The following EPHA7 variants were observed in gnomAD, a reference collection of about 807,000 sequenced individuals.
The protein encoded by EPHA7 is EPH receptor A7.
A neutral mutation model predicts 112.6 loss-of-function variants in EPHA7; 25 were observed. The ratio of observed to expected loss-of-function variants is 0.22; its 90% confidence interval spans 0.16 to 0.31. EPHA7 has a LOEUF of 0.31. Among genes scored for constraint, EPHA7 ranks in the 10% least tolerant of loss-of-function variants. The pLI is 1.00. For synonymous variants in EPHA7, 437 were observed against 406.5 expected, an observed-to-expected ratio of 1.07 and a Z score of -0.90; for missense variants, 962 against 1,212.6, an observed-to-expected ratio of 0.79 and a Z score of 3.07.
intron 5 of EPHA7, among the ~76,000 whole-genome samples, chr6:93,302,053 C>T (rs961294634): frequency 2.0e-5 from 3 of 152,122 alleles, no homozygotes; most frequent in Non-Finnish European, 2.9e-5. Context: ...GTTGTTCTTC[C>T]ACCCTTACCG....
Position 93,257,525 on chromosome 6 carries a change from T to A in EPHA7, c.2111-2A>T. ...CTATTACTATCATGACTGGTTTCCC[T>A]AAAATTAAAAAAAAAAAGTTTCAGG... is the stretch of plus-strand genomic sequence containing the variant. On this transcript the variant is annotated splice_acceptor_variant, in intron 11 of 16. Coordinates refer to ENST00000369303, the MANE Select transcript of EPHA7 (RefSeq NM_004440.4). LOFTEE classifies it high-confidence loss of function. 6.2e-7 allele frequency: 1 copy of A among 1,603,442 alleles called. No homozygotes were observed.
At chr6:93,251,861 G>A (rs1770232161) in intron 14 of EPHA7, among the ~76,000 whole-genome samples, 1 of 151,882 alleles carries the variant, frequency 6.6e-6, no homozygotes. Flanking sequence ...AACGAAAGTT[G>A]GAAATTTATT....
chr6:93,247,103 A>T, intron 14 of EPHA7, 118 bp from the exon 15 acceptor site: 1 of 935,870 alleles, frequency 1.1e-6, no homozygotes, highest in Non-Finnish European at 1.5e-6. Context: ...GCTTCACAAA[A>T]GACTTACTTT....
chr6:93,353,061 C>T (rs547908012), intron 5 of EPHA7, among the ~76,000 whole-genome samples: 1 of 152,018 alleles, frequency 6.6e-6, no homozygotes, highest in African/African-American at 2.4e-5. Flanking sequence ...ATGTAACAAA[C>T]CTGCACATGT....
At chr6:93,345,907 C>T (rs1017969983) in intron 5 of EPHA7, among the ~76,000 whole-genome samples, 1 of 151,586 alleles carries the variant, frequency 6.6e-6, no homozygotes, top group Admixed American at 6.6e-5. Flanking sequence ...ATCAAATTTG[C>T]TTCAATTCAT....
Position 93,419,409 on chromosome 6 carries a change from T to G in EPHA7, c.-68A>C, listed in dbSNP as rs1051676542. The G allele has an allele frequency of 6.8e-6, 9 of 1,323,410 alleles. No homozygotes were observed. Among genetic ancestry groups the G allele is most frequent in the Middle Eastern group, 1.8e-4 (1 of 5,464 alleles). 82.0% of individuals were successfully genotyped at this position (1,323,410 alleles called of 1,614,324 possible). A position where few individuals can be genotyped will look rare whatever the true frequency, so the allele number is the denominator to read the frequency against. On this transcript the variant is annotated 5_prime_UTR_variant, in exon 1 of 17. Coordinates refer to ENST00000369303, the MANE Select transcript of EPHA7 (RefSeq NM_004440.4). ...TCGTGGATTTTTAAATGCTGTTTGTTCCGAAGTAGCTTTTGTTTTATTGTG... is the reference window on the plus strand; with the variant it reads ...TCGTGGATTTTTAAATGCTGTTTGTGCCGAAGTAGCTTTTGTTTTATTGTG...
At chr6:93,258,602 A>G (rs965127092) in intron 10 of EPHA7, among the ~76,000 whole-genome samples, 4 of 150,306 alleles carry the variant, frequency 2.7e-5, no homozygotes, top group Non-Finnish European at 4.4e-5. Context: ...CTATTTTTCA[A>G]TTGAATTAAC....
chr6:93,347,866 G>A (rs926378326), intron 5 of EPHA7, among the ~76,000 whole-genome samples: 1 of 151,484 alleles, frequency 6.6e-6, no homozygotes, highest in Non-Finnish European at 1.5e-5. Context: ...AGAATAACTG[G>A]GTTATTGCAA....
intron 5 of EPHA7, among the ~76,000 whole-genome samples, chr6:93,340,677 T>A (rs1775094885): frequency 6.6e-6 from 1 of 152,104 alleles, no homozygotes; most frequent in African/African-American, 2.4e-5. Flanking sequence ...AGCCACTTTT[T>A]AAAAATTGAA....
intron 5 of EPHA7, among the ~76,000 whole-genome samples, chr6:93,297,529 A>T (rs1772734242): frequency 6.6e-6 from 1 of 152,050 alleles, no homozygotes; most frequent in South Asian, 2.1e-4. Context: ...TGTCTCATTT[A>T]TTCCTTTGTT....
chr6:93,247,012 A>G (rs1395670745), intron 14 of EPHA7, 27 bp from the exon 15 acceptor site: 3 of 1,526,590 alleles, frequency 2.0e-6, no homozygotes, highest in Non-Finnish European at 2.7e-6. Flanking sequence ...CATTACAAAT[A>G]TTACTGATTT....
At chr6:93,376,440 C>G (rs1777063103) in intron 3 of EPHA7, among the ~76,000 whole-genome samples, 1 of 152,080 alleles carries the variant, frequency 6.6e-6, no homozygotes, top group African/African-American at 2.4e-5. Context: ...CACGCCTGGT[C>G]CATTTTCATA....
At chr6:93,397,868 G>T (rs1392857823) in intron 3 of EPHA7, among the ~76,000 whole-genome samples, 6 of 151,968 alleles carry the variant, frequency 3.9e-5, no homozygotes. Context: ...ATAAAAAAGT[G>T]TGCTTAATGT....
chr6:93,341,313 A>G (rs1363722258), intron 5 of EPHA7, among the ~76,000 whole-genome samples: 1 of 151,844 alleles, frequency 6.6e-6, no homozygotes, highest in Non-Finnish European at 1.5e-5. Flanking sequence ...ATCATAAAAC[A>G]TTTATGCATT....
At chr6:93,290,633 T>C (rs965366747) in intron 5 of EPHA7, among the ~76,000 whole-genome samples, 3 of 152,174 alleles carry the variant, frequency 2.0e-5, no homozygotes, top group African/African-American at 7.2e-5. Context: ...TAGCTTTAGG[T>C]TAATTATTCA....
In EPHA7 at chr6:93,405,813, GTATATATATATATATATATATA is replaced by G. The variant is rs60882775; in HGVS notation, c.832+4666_832+4687del. Among the ~76,000 whole-genome samples, 19 of 73,980 alleles carry G rather than the reference GTATATATATATATATATATATA, an allele frequency of 2.6e-4. 1 individual carries two copies. In the South Asian group the frequency reaches 4.9e-3, roughly 19 times the overall value. The allele number at this position is 73,980 out of a possible 152,430, so 48.5% of individuals were successfully genotyped here. On this transcript the variant is annotated intron_variant, in intron 3 of 16. Coordinates refer to ENST00000369303, the MANE Select transcript of EPHA7 (RefSeq NM_004440.4). ...TGTGTGTGTGTGTGTGTGTGTGTGT[GTATATATATATATATATATATA>G]TATATATATATATATAAATGATTAT...
At chr6:93,247,102 A>G in intron 14 of EPHA7, 117 bp from the exon 15 acceptor site, 1 of 935,944 alleles carries the variant, frequency 1.1e-6, no homozygotes, top group Non-Finnish European at 1.5e-6. Context: ...TGCTTCACAA[A>G]AGACTTACTT....
At chr6:93,280,040 TTATAGTA>T (rs1582437789) in intron 5 of EPHA7, among the ~76,000 whole-genome samples, 1 of 152,324 alleles carries the variant, frequency 6.6e-6, no homozygotes, top group East Asian at 1.9e-4. Flanking sequence ...TCATGACTGA[TTATAGTA>T]TAAAGAGTTG....
chr6:93,272,180 C>A, intron 6 of EPHA7, 118 bp downstream of exon 6: 1 of 1,112,710 alleles, frequency 9.0e-7, no homozygotes, highest in Non-Finnish European at 1.3e-6. Context: ...CTAAAATTAA[C>A]TACGAAGTTT....
Sources: allele counts gnomAD v4.1 joint callset (sites outside exome capture counted in the v4.1 genomes callset), GRCh38; gene constraint gnomAD v4.1.1; transcripts MANE v1.5; gene names NCBI Gene and HGNC (gene_info 2026-07-23, HGNC 2026-07-21).